Variants in ZNF608 observed in about 807,000 individuals in gnomAD.
The protein encoded by ZNF608 is zinc finger protein 608.
ZNF608 carries 12 observed loss-of-function variants against 109.0 expected under a neutral mutation model. That is an observed-to-expected ratio of 0.11 (90% CI 0.07 to 0.18). The LOEUF (loss-of-function observed/expected upper bound fraction) is 0.18. ZNF608 is among the 10% of genes least tolerant of loss of function. The pLI is 1.00. For synonymous variants in ZNF608, 732 were observed against 717.4 expected, an observed-to-expected ratio of 1.02 and a Z score of -0.33; for missense variants, 1,707 against 1,879.3, an observed-to-expected ratio of 0.91 and a Z score of 1.70.
chr5:124,644,287 A>C lies in ZNF608; in HGVS notation c.4080T>G (p.Pro1360=). The C allele has an allele frequency of 1.9e-6, 3 of 1,613,446 alleles. No homozygotes were observed. Among genetic ancestry groups the C allele is most frequent in the South Asian group, 1.1e-5 (1 of 91,064 alleles). ...GGACGGGAGAAACAGCCCGGTATGC[A>C]GGATGGCTGGGGTCGTACATCTGTG... ...PYPQMYDPSH[P]AYRAVSPVLM... is the part of the protein sequence containing the mutation. Residue 1360 remains proline, a synonymous_variant, in exon 6 of 10, where the codon CCT becomes CCG. Coordinates refer to ENST00000513986, the MANE Select transcript of ZNF608 (RefSeq NM_020747.3).
chr5:124,691,315 A>G (rs1459839570), intron 3 of ZNF608, among the ~76,000 whole-genome samples: 2 of 152,126 alleles, frequency 1.3e-5, no homozygotes, highest in Admixed American at 1.3e-4. Flanking sequence ...CCTTGAATAG[A>G]CTTTTCTCCA....
At chr5:124,658,778 T>A (rs1365140433) in intron 3 of ZNF608, among the ~76,000 whole-genome samples, 2 of 152,186 alleles carry the variant, frequency 1.3e-5, no homozygotes, top group Non-Finnish European at 2.9e-5. Context: ...CCCTCCCCAA[T>A]CCAGTCTCAC....
intron 3 of ZNF608, among the ~76,000 whole-genome samples, chr5:124,655,639 A>G (rs1407672387): frequency 6.6e-6 from 1 of 152,230 alleles, no homozygotes; most frequent in African/African-American, 2.4e-5. Context: ...TCATGAGTAC[A>G]GGATAAAATT....
Position 124,648,560 on chromosome 5 carries a change from TTCAAGTGCCACATTAC to T in ZNF608, c.1808_1823del (p.Ser603AsnfsTer15). 1 of 1,614,256 alleles carries T rather than the reference TTCAAGTGCCACATTAC, an allele frequency of 6.2e-7. No individual in the cohort carries two copies. The highest frequency in any genetic ancestry group is 1.3e-5 in the African/African-American group (1 of 75,066). ...ATACACTTGTGCTTGGCTCACTGCA[TTCAAGTGCCACATTAC>T]TCAATCCTTCCTCACAGTCCGAGAT... On this transcript the variant is annotated frameshift_variant, in exon 5 of 10. Coordinates refer to ENST00000513986, the MANE Select transcript of ZNF608 (RefSeq NM_020747.3). LOFTEE classifies it high-confidence loss of function.
intron 3 of ZNF608, among the ~76,000 whole-genome samples, chr5:124,656,799 AACACACACAC>A (rs35634231): frequency 0.21 from 26,258 of 123,830 alleles, 2,883 homozygotes; most frequent in East Asian, 0.53. Flanking sequence ...ATAAGCCCTA[AACACACACAC>A]ACACACACAC....
rs907901502 is a variant in ZNF608 at position 124,643,795 on chromosome 5, T to A, written c.4124-112A>T. 1.6e-4 allele frequency: 171 copies of A among 1,059,364 alleles called. 2 individuals carry two copies. In the East Asian group the frequency reaches 4.3e-3, roughly 27 times the overall value. The allele number at this position is 1,059,364 out of a possible 1,614,324, so 65.6% of individuals were successfully genotyped here. A position where few individuals can be genotyped will look rare whatever the true frequency, so the allele number is the denominator to read the frequency against. Reference sequence around the variant, plus strand: ...TCAAAGAGATCTTAAAATAGGGGGTTACATTAAGAATGGGCTACATCATCA... The same window carrying A: ...TCAAAGAGATCTTAAAATAGGGGGTAACATTAAGAATGGGCTACATCATCA... On this transcript the variant is annotated intron_variant, in intron 6 of 9. Transcript: ENST00000513986.
At chr5:124,713,258 G>A (rs1357687799) in intron 2 of ZNF608, among the ~76,000 whole-genome samples, 3 of 152,120 alleles carry the variant, frequency 2.0e-5, no homozygotes, top group East Asian at 1.9e-4. Context: ...TTAGAGCAAT[G>A]AGCCTTTATG....
intron 2 of ZNF608, among the ~76,000 whole-genome samples, chr5:124,739,730 T>C (rs997920326): frequency 2.0e-5 from 3 of 152,212 alleles, no homozygotes; most frequent in Non-Finnish European, 4.4e-5. Context: ...AGGTGAACTT[T>C]TTTAAATTAA....
intron 3 of ZNF608, among the ~76,000 whole-genome samples, chr5:124,685,211 G>A (rs1160723626): frequency 6.6e-6 from 1 of 152,182 alleles, no homozygotes; most frequent in Admixed American, 6.5e-5. Flanking sequence ...GGCTTTGGCT[G>A]CCTTCAAGTG....
Position 124,644,470 on chromosome 5 carries a change from C to T in ZNF608, c.3897G>A (p.Lys1299=), listed in dbSNP as rs769969551. The T allele has an allele frequency of 3.7e-6, 6 of 1,614,130 alleles. No individual in the cohort carries two copies. The highest frequency in any genetic ancestry group is 2.2e-5 in the South Asian group (2 of 91,072). Reference sequence around the variant, plus strand: ...CCTCCATTGATTGAGAATCAGGATGCTTGGCCTCTTTGGGCTCCTCTTTAA... The same window carrying T: ...CCTCCATTGATTGAGAATCAGGATGTTTGGCCTCTTTGGGCTCCTCTTTAA... ...TSIKEEPKEA[K]HPDSQSMEES... The change falls in exon 6 of 10, where the codon AAG becomes AAA. Residue 1299 remains lysine (K), a synonymous_variant. Transcript: ENST00000513986.
At chr5:124,649,171 C>A in intron 4 of ZNF608, 38 bp from the exon 5 acceptor site, 1 of 1,495,374 alleles carries the variant, frequency 6.7e-7, no homozygotes, top group African/African-American at 1.4e-5. Context: ...ATGAGCATCC[C>A]CAAAAGAGCC....
chr5:124,674,952 G>A (rs1202776518), intron 3 of ZNF608, among the ~76,000 whole-genome samples: 1 of 152,090 alleles, frequency 6.6e-6, no homozygotes, highest in Non-Finnish European at 1.5e-5. Flanking sequence ...TGAGAAGAAT[G>A]GGCCTAATCG....
At chr5:124,730,642 T>TA (rs1156417291) in intron 2 of ZNF608, among the ~76,000 whole-genome samples, 10 of 152,206 alleles carry the variant, frequency 6.6e-5, no homozygotes, top group African/African-American at 2.4e-4. Flanking sequence ...TAAACAGGTT[T>TA]ATAGAAATCA....
At chr5:124,718,826 A>C (rs1239416701) in intron 2 of ZNF608, among the ~76,000 whole-genome samples, 1 of 152,244 alleles carries the variant, frequency 6.6e-6, no homozygotes, top group Non-Finnish European at 1.5e-5. Flanking sequence ...GTGAATAAAG[A>C]CAGGCAAGCC....
intron 3 of ZNF608, among the ~76,000 whole-genome samples, chr5:124,652,293 C>T (rs1750823221): frequency 6.6e-6 from 1 of 152,196 alleles, no homozygotes; most frequent in Non-Finnish European, 1.5e-5. Flanking sequence ...CGGAAGGAAT[C>T]AAGTCCTGGA....
chr5:124,733,557 A>C (rs555906181), intron 2 of ZNF608, among the ~76,000 whole-genome samples: 15 of 152,220 alleles, frequency 9.9e-5, no homozygotes, highest in African/African-American at 3.6e-4. Context: ...GGTAGGGAAA[A>C]AGCCGGGGCA....
At chr5:124,718,649 G>A (rs945197351) in intron 2 of ZNF608, among the ~76,000 whole-genome samples, 4 of 152,172 alleles carry the variant, frequency 2.6e-5, no homozygotes, top group African/African-American at 9.7e-5. Flanking sequence ...AAGCTTGTCA[G>A]AGTAATTCAG....
At chr5:124,684,240 C>T (rs1288400296) in intron 3 of ZNF608, among the ~76,000 whole-genome samples, 1 of 152,128 alleles carries the variant, frequency 6.6e-6, no homozygotes, top group Non-Finnish European at 1.5e-5. Flanking sequence ...CCTTTGCTAC[C>T]TGATTCTGCC....
At chr5:124,705,884 G>A (rs1191017782) in intron 2 of ZNF608, among the ~76,000 whole-genome samples, 2 of 152,128 alleles carry the variant, frequency 1.3e-5, no homozygotes, top group Non-Finnish European at 2.9e-5. Flanking sequence ...CTAACAGTCA[G>A]CTCACCTCAA....
Sources: gnomAD v4.1 joint callset for allele counts (sites outside exome capture counted in the v4.1 genomes callset) on GRCh38, gnomAD v4.1.1 for gene constraint, MANE v1.5 for transcripts, NCBI Gene and HGNC (gene_info 2026-07-23, HGNC 2026-07-21) for gene names.